Variants in SHANK2 observed in about 807,000 individuals in gnomAD.
SHANK2 encodes the protein SH3 and multiple ankyrin repeat domains protein 2.
SHANK2 carries 43 observed loss-of-function variants against 133.7 expected under a neutral mutation model. The observed-to-expected ratio is 0.32, with a 90% CI of 0.25 to 0.41. The LOEUF (loss-of-function observed/expected upper bound fraction) is 0.41, where lower values mean the gene tolerates loss of function less well. Among genes scored for constraint, SHANK2 ranks in the 10% least tolerant of loss-of-function variants. The pLI is 1.00. For synonymous variants in SHANK2, 1,017 were observed against 952.8 expected, an observed-to-expected ratio of 1.07 and a Z score of -1.24; for missense variants, 1,994 against 2,235.8, an observed-to-expected ratio of 0.89 and a Z score of 2.18.
At chr11:71,198,794 T>C (rs79424425) in intron 2 of SHANK2, among the ~76,000 whole-genome samples, 4,634 of 152,282 alleles carry the variant, frequency 0.03, 105 homozygotes, top group African/African-American at 0.062. Context: ...AGTGAGGTTG[T>C]GAGGCGGCGG....
intron 14 of SHANK2, among the ~76,000 whole-genome samples, chr11:70,719,264 A>G (rs1339350877): frequency 1.3e-5 from 2 of 152,220 alleles, no homozygotes; most frequent in African/African-American, 4.8e-5. Flanking sequence ...AAAGATGAGA[A>G]GCGTGGACCT....
At chr11:70,645,868 G>A (rs1327869555) in intron 17 of SHANK2, among the ~76,000 whole-genome samples, 3 of 151,664 alleles carry the variant, frequency 2.0e-5, no homozygotes, top group African/African-American at 4.8e-5. Flanking sequence ...CTCTGGAGCC[G>A]GAGCCAGACT....
chr11:70,896,056 C>T (rs925495387), intron 11 of SHANK2, among the ~76,000 whole-genome samples: 3 of 152,110 alleles, frequency 2.0e-5, no homozygotes, highest in African/African-American at 7.2e-5. Flanking sequence ...GTACATTCTA[C>T]CAGTTTGGAC....
chr11:70,613,199 G>GTTTTTCT (rs782022134), intron 17 of SHANK2, among the ~76,000 whole-genome samples: 2 of 152,022 alleles, frequency 1.3e-5, no homozygotes, highest in South Asian at 2.1e-4. Context: ...TTTTTTTCAT[G>GTTTTTCT]TTTTTCTTTT....
chr11:70,928,775 C>T (rs572360890), intron 10 of SHANK2, among the ~76,000 whole-genome samples: 2 of 152,234 alleles, frequency 1.3e-5, no homozygotes, highest in African/African-American at 4.8e-5. Context: ...AGTTAGGAGC[C>T]CACCTACGAC....
intron 17 of SHANK2, among the ~76,000 whole-genome samples, chr11:70,552,010 C>T (rs1379850807): frequency 1.3e-5 from 2 of 152,230 alleles, no homozygotes; most frequent in Non-Finnish European, 2.9e-5. Context: ...GGGGTCTGTA[C>T]ATTTTATTGG....
At chr11:71,157,824 G>A (rs1391429424) in intron 2 of SHANK2, among the ~76,000 whole-genome samples, 7 of 152,132 alleles carry the variant, frequency 4.6e-5, no homozygotes, top group East Asian at 1.9e-4. Flanking sequence ...GGAAGGGAGC[G>A]ACTTGCCCAA....
chr11:70,722,147 T>C (rs907136813), intron 14 of SHANK2, among the ~76,000 whole-genome samples: 1 of 152,246 alleles, frequency 6.6e-6, no homozygotes, highest in South Asian at 2.1e-4. Context: ...GTGCTGTCTC[T>C]TGGTACTCAG....
chr11:71,074,539 T>C (rs1951193339), intron 9 of SHANK2, among the ~76,000 whole-genome samples: 1 of 152,190 alleles, frequency 6.6e-6, no homozygotes, highest in South Asian at 2.1e-4. Context: ...TGTGTTGCAA[T>C]TTTAATTAAC....
intron 9 of SHANK2, among the ~76,000 whole-genome samples, chr11:71,057,848 C>T (rs917119920): frequency 2.0e-5 from 3 of 150,806 alleles, no homozygotes; most frequent in African/African-American, 7.4e-5. Flanking sequence ...CATGCCTGAC[C>T]AGAGATTCTT....
chr11:70,476,910 G>A (rs534619408), intron 25 of SHANK2, among the ~76,000 whole-genome samples: 1 of 152,352 alleles, frequency 6.6e-6, no homozygotes, highest in South Asian at 2.1e-4. Context: ...TCACGCCTGG[G>A]CAGTATTCAC....
intron 17 of SHANK2, among the ~76,000 whole-genome samples, chr11:70,591,814 C>T (rs534689839): frequency 3.3e-5 from 5 of 152,064 alleles, no homozygotes; most frequent in Admixed American, 6.5e-5. Context: ...GTTAGGAGTT[C>T]GAGACCAGCC....
intron 2 of SHANK2, among the ~76,000 whole-genome samples, chr11:71,223,744 G>A (rs1425373857): frequency 6.6e-6 from 1 of 152,162 alleles, no homozygotes; most frequent in African/African-American, 2.4e-5. Context: ...CAGCTTCTTG[G>A]GCAGGCCCGT....
At chr11:70,879,121 T>C (rs781791959) in intron 11 of SHANK2, among the ~76,000 whole-genome samples, 13 of 152,162 alleles carry the variant, frequency 8.5e-5, no homozygotes, top group Non-Finnish European at 1.5e-4. Flanking sequence ...ATCTGGCACC[T>C]GGATCCACGG....
intron 17 of SHANK2, among the ~76,000 whole-genome samples, chr11:70,513,047 T>G (rs1301791706): frequency 6.6e-6 from 1 of 152,114 alleles, no homozygotes; most frequent in Non-Finnish European, 1.5e-5. Flanking sequence ...AACCAACAAA[T>G]AAATTCTCTG....
At chr11:71,076,288 G>T in intron 8 of SHANK2, among the ~76,000 whole-genome samples, 1 of 152,148 alleles carries the variant, frequency 6.6e-6, no homozygotes, top group East Asian at 1.9e-4. Context: ...AGGGCAGGCA[G>T]CCTAGGGGTG....
chr11:70,795,297 G>T (rs1158698858), intron 14 of SHANK2, among the ~76,000 whole-genome samples: 5 of 152,166 alleles, frequency 3.3e-5, no homozygotes, highest in African/African-American at 1.2e-4. Context: ...GGGAATTAAG[G>T]TTGCAGGCAG....
intron 1 of SHANK2, among the ~76,000 whole-genome samples, chr11:71,250,246 C>T (rs556773399): frequency 2.1e-4 from 32 of 152,302 alleles, no homozygotes; most frequent in Non-Finnish European, 3.8e-4. Context: ...GAATTCCAAC[C>T]TCCTTCCAAA....
chr11:70,890,508 A>G (rs1555074426), intron 11 of SHANK2, among the ~76,000 whole-genome samples: 2 of 148,032 alleles, frequency 1.4e-5, no homozygotes. Context: ...AAAAAAAACA[A>G]AAAAACAGAG....
Sources: allele counts gnomAD v4.1 joint callset (sites outside exome capture counted in the v4.1 genomes callset), GRCh38; gene constraint gnomAD v4.1.1; transcripts MANE v1.5; gene names NCBI Gene and HGNC (gene_info 2026-07-23, HGNC 2026-07-21).